Variants in YIPF4 observed in about 807,000 individuals in gnomAD.
YIPF4 encodes the protein Yip1 domain family member 4.
Under a neutral mutation model 29.4 loss-of-function variants are expected in YIPF4, and 18 were observed. The ratio of observed to expected loss-of-function variants is 0.61; its 90% CI spans 0.42 to 0.91. YIPF4 has a LOEUF of 0.91. Among genes scored for constraint, YIPF4 ranks in the 40% least tolerant of loss-of-function variants. The pLI, the probability that YIPF4 is intolerant of heterozygous loss-of-function variation, is 0.00. For missense variants in YIPF4, 279 were observed against 282.7 expected, an observed-to-expected ratio of 0.99 and a Z score of 0.09; for synonymous variants, 115 against 104.7, an observed-to-expected ratio of 1.10 and a Z score of -0.60.
Position 32,290,583 on chromosome 2 carries a change from T to C in YIPF4, c.180T>C (p.Tyr60=). 1 of 1,584,682 alleles carries C rather than the reference T, an allele frequency of 6.3e-7. No individual in the cohort carries two copies. The highest frequency in any genetic ancestry group is 1.4e-5 in the African/African-American group (1 of 73,470). The change falls in exon 2 of 6, where the codon TAT becomes TAC. Residue 60 remains tyrosine (Y), a synonymous_variant. Coordinates refer to ENST00000238831, the MANE Select transcript of YIPF4 (RefSeq NM_032312.4). ...CTACATTTCTGAGACAAAGAGGTTA[T>C]GGCTGGCTTCTGGAAGTTGAAGATG... ...TATTFLRQRG[Y]GWLLEVEDDD... is the part of the protein sequence containing the mutation.
chr2:32,278,416 A>G (rs2030211885), intron 1 of YIPF4, among the ~76,000 whole-genome samples, 182 bp downstream of exon 1: 2 of 152,142 alleles, frequency 1.3e-5, no homozygotes, highest in South Asian at 4.1e-4. Context: ...GGAGGGGTGT[A>G]GGGAGCTGCT....
In YIPF4 at chr2:32,292,081, TA is replaced by T. The variant is rs1448571631; in HGVS notation, c.234-94del. 75 of 794,314 alleles carry T rather than the reference TA, an allele frequency of 9.4e-5. 1 individual carries two copies. In the African/African-American group the frequency reaches 1.2e-3, roughly 13 times the overall value. 49.2% of individuals were successfully genotyped at this position (794,314 alleles called of 1,614,324 possible). ...ATGTTTTGTTGACCTATGGAGATTATAACTGTCTTATTTAAAGTTTTCTTAA... is the reference window on the plus strand; with the variant it reads ...ATGTTTTGTTGACCTATGGAGATTATACTGTCTTATTTAAAGTTTTCTTAA... On this transcript the variant is annotated intron_variant, in intron 2 of 5. Coordinates refer to ENST00000238831, the MANE Select transcript of YIPF4 (RefSeq NM_032312.4).
rs201500552 is a variant in YIPF4 at position 32,292,357 on chromosome 2, A to G, written c.405+9A>G. 3.6e-5 allele frequency: 54 copies of G among 1,491,168 alleles called. No individual in the cohort carries two copies. Among genetic ancestry groups the G allele is most frequent in the Non-Finnish European group, 4.7e-5 (52 of 1,117,964 alleles). 92.4% of individuals were successfully genotyped at this position (1,491,168 alleles called of 1,614,324 possible). A position where few individuals can be genotyped will look rare whatever the true frequency, so the allele number is the denominator to read the frequency against. On this transcript the variant is annotated intron_variant, in intron 3 of 5. Coordinates refer to ENST00000238831, the MANE Select transcript of YIPF4 (RefSeq NM_032312.4). ...TATATGGACAGTTTAGGGTAAGTAT[A>G]TCTTATTTTATACAAATTCTAAATA...
At chr2:32,292,862 CAAA>C (rs1217481341) in intron 3 of YIPF4, among the ~76,000 whole-genome samples, 39 of 77,878 alleles carry the variant, frequency 5.0e-4, no homozygotes, top group African/African-American at 1.7e-3. Context: ...GACTCCATCT[CAAA>C]AAAAAAAAAA....
intron 1 of YIPF4, among the ~76,000 whole-genome samples, chr2:32,284,236 A>G (rs2030558677): frequency 6.6e-6 from 1 of 152,208 alleles, no homozygotes; most frequent in African/African-American, 2.4e-5. Context: ...ACACAAATAT[A>G]TAATTATATA....
rs148519402 is a variant in YIPF4, at chr2:32,300,261, C to T, written c.484-1121C>T. On this transcript the variant is annotated intron_variant, in intron 4 of 5. Transcript: ENST00000238831. ...AGCCTGGGCAACAAGAGCGAAACTC[C>T]GTCTCAAAAAAAAGATAAAAAAATT... Among the ~76,000 whole-genome samples the T allele has an allele frequency of 1.0e-3, 156 of 149,268 alleles. No homozygotes were observed. In the East Asian group the frequency reaches 0.026, roughly 25 times the overall value.
rs1164145680 is a variant in YIPF4, at chr2:32,312,955, C to G, written c.*7329C>G. The G allele has an allele frequency of 6.6e-6, 1 of 152,304 alleles. No individual in the cohort carries two copies. The highest frequency in any genetic ancestry group is 1.5e-5 in the Non-Finnish European group (1 of 68,202). The allele number at this position is 152,304 out of a possible 1,614,324, so 9.4% of individuals were successfully genotyped here. On this transcript the variant is annotated 3_prime_UTR_variant, in exon 6 of 6. Coordinates refer to ENST00000238831, the MANE Select transcript of YIPF4 (RefSeq NM_032312.4). ...GCAGTAAGCAGAGATCGCGCCACTG[C>G]ACTCCCGCCTGGGTGACAGAGCGAG... is the stretch of plus-strand genomic sequence containing the variant.
At chr2:32,299,608 G>A (rs181316183) in intron 4 of YIPF4, among the ~76,000 whole-genome samples, 16 of 152,170 alleles carry the variant, frequency 1.1e-4, no homozygotes, top group East Asian at 3.9e-4. Context: ...GATCACTTGC[G>A]CCCAGGAGTT....
chr2:32,283,499 G>C (rs111331292), intron 1 of YIPF4, among the ~76,000 whole-genome samples: 11 of 152,064 alleles, frequency 7.2e-5, no homozygotes, highest in African/African-American at 2.7e-4. Context: ...TGCAGATTCT[G>C]ATCATCATGC....
intron 3 of YIPF4, among the ~76,000 whole-genome samples, chr2:32,295,785 T>A (rs1276968469): frequency 6.6e-6 from 1 of 152,094 alleles, no homozygotes; most frequent in Non-Finnish European, 1.5e-5. Flanking sequence ...GTATTTTTAG[T>A]AGAGAGGGGG....
At chr2:32,305,276 G>T (rs575302721) in intron 5 of YIPF4, among the ~76,000 whole-genome samples, 3 of 152,252 alleles carry the variant, frequency 2.0e-5, no homozygotes, top group African/African-American at 7.2e-5. Context: ...TGATTAGACT[G>T]GTTTGATAAG....
intron 5 of YIPF4, among the ~76,000 whole-genome samples, chr2:32,304,939 A>G (rs905364206): frequency 1.3e-5 from 2 of 152,066 alleles, no homozygotes; most frequent in Admixed American, 6.6e-5. Flanking sequence ...TCAACCCTGT[A>G]TTTCTGCCTA....
At chr2:32,278,491 T>G (rs115463147) in intron 1 of YIPF4, among the ~76,000 whole-genome samples, 4,852 of 152,244 alleles carry the variant, frequency 0.032, 199 homozygotes, top group African/African-American at 0.095. Context: ...GGCTGGTTTT[T>G]CTGGGTGGCT....
rs1041479038 is a variant in YIPF4 at position 32,312,533 on chromosome 2, A to T, written c.*6907A>T. 1 of 143,202 alleles carries T rather than the reference A, an allele frequency of 7.0e-6. No individual in the cohort carries two copies. The highest frequency in any genetic ancestry group is 1.5e-5 in the Non-Finnish European group (1 of 65,286). The allele number at this position is 143,202 out of a possible 1,614,324, so 8.9% of individuals were successfully genotyped here. On this transcript the variant is annotated 3_prime_UTR_variant, in exon 6 of 6. Coordinates refer to ENST00000238831, the MANE Select transcript of YIPF4 (RefSeq NM_032312.4). ...AAAAAAAAAAAATTATTTTCAAAGG[A>T]TTGTGCTAGTGGTGGCCTGAATAAT...
rs2031801062 is a variant in YIPF4 at position 32,315,319 on chromosome 2, T to TG, written c.*9694dup. The TG allele has an allele frequency of 6.6e-6, 1 of 152,142 alleles. No individual in the cohort carries two copies. Among genetic ancestry groups the TG allele is most frequent in the African/African-American group, 2.4e-5 (1 of 41,434 alleles). 9.4% of individuals were successfully genotyped at this position (152,142 alleles called of 1,614,324 possible). On this transcript the variant is annotated 3_prime_UTR_variant, in exon 6 of 6. Transcript: ENST00000238831. ...AGAACTGAATCACATAGCCATCCCT[T>TG]GCTGTAAGAGAGTTGGGGAAAGTAT... is the stretch of plus-strand genomic sequence containing the variant.
At chr2:32,290,880 T>C (rs1353081902) in intron 2 of YIPF4, 1 of 199,726 alleles carries the variant, frequency 5.0e-6, no homozygotes, top group Non-Finnish European at 1.0e-5. Flanking sequence ...CTACTCCAGC[T>C]TACCTGGGTC....
At chr2:32,301,173 T>G (rs1253041178) in intron 4 of YIPF4, among the ~76,000 whole-genome samples, 1 of 152,234 alleles carries the variant, frequency 6.6e-6, no homozygotes, top group Admixed American at 6.5e-5. Context: ...TCAGCAAATT[T>G]ATTTTAATTG....
In YIPF4 at chr2:32,306,776, TC is replaced by T; in HGVS notation, c.*1152del. The T allele has an allele frequency of 4.7e-6, 1 of 213,552 alleles. No individual in the cohort carries two copies. The highest frequency in any genetic ancestry group is 8.1e-6 in the Non-Finnish European group (1 of 123,764). 13.2% of individuals were successfully genotyped at this position (213,552 alleles called of 1,614,324 possible). A position where few individuals can be genotyped will look rare whatever the true frequency, so the allele number is the denominator to read the frequency against. ...AAGTAGGTAAATCATTTTATTTATG[TC>T]CATAAAATATCAAATGTCTGTTAAC... On this transcript the variant is annotated 3_prime_UTR_variant, in exon 6 of 6. Coordinates refer to ENST00000238831, the MANE Select transcript of YIPF4 (RefSeq NM_032312.4).
At chr2:32,293,983 G>T (rs1158710786) in intron 3 of YIPF4, among the ~76,000 whole-genome samples, 3 of 148,332 alleles carry the variant, frequency 2.0e-5, no homozygotes, top group African/African-American at 7.5e-5. Context: ...CGGCTGGCTG[G>T]GCAGGGGGCT....
Sources: gnomAD v4.1 joint callset for allele counts (sites outside exome capture counted in the v4.1 genomes callset) on GRCh38, gnomAD v4.1.1 for gene constraint, MANE v1.5 for transcripts, NCBI Gene and HGNC (gene_info 2026-07-23, HGNC 2026-07-21) for gene names.